Variants in MEMO1 observed in about 807,000 individuals in gnomAD.
The protein encoded by MEMO1 is protein MEMO1.
MEMO1 carries 6 observed loss-of-function variants against 45.2 expected under a neutral mutation model. The observed-to-expected ratio is 0.13, with a 90% confidence interval of 0.07 to 0.26. MEMO1 has a LOEUF of 0.26. Among genes scored for constraint, MEMO1 ranks in the 10% least tolerant of loss-of-function variants. MEMO1 has a pLI of 1.00. For synonymous variants in MEMO1, 78 were observed against 124.3 expected (o/e 0.63, Z 2.48); for missense variants, 184 against 370.5 (o/e 0.50, Z 4.13).
chr2:31,933,884 T>C (rs994968620), intron 3 of MEMO1, among the ~76,000 whole-genome samples: 2 of 152,170 alleles, frequency 1.3e-5, no homozygotes, highest in African/African-American at 4.8e-5. Flanking sequence ...TCAGTTTTGA[T>C]GTTATCCTGT....
At chr2:31,886,750 G>A (rs1676250680) in intron 7 of MEMO1, among the ~76,000 whole-genome samples, 1 of 152,130 alleles carries the variant, frequency 6.6e-6, no homozygotes. Context: ...TTTTAAGTAT[G>A]AATAAAGCGT....
chr2:31,956,628 G>C (rs1667444307), intron 2 of MEMO1, among the ~76,000 whole-genome samples: 1 of 152,150 alleles, frequency 6.6e-6, no homozygotes, highest in Non-Finnish European at 1.5e-5. Flanking sequence ...AAATAAACTA[G>C]TTAAATAAAT....
chr2:31,938,663 A>G (rs1665225550), intron 3 of MEMO1, among the ~76,000 whole-genome samples: 1 of 152,158 alleles, frequency 6.6e-6, no homozygotes, highest in Non-Finnish European at 1.5e-5. Flanking sequence ...AAAAAAATAA[A>G]AAATAAAAAC....
At chr2:31,967,781 T>G (rs1268086839) in intron 2 of MEMO1, among the ~76,000 whole-genome samples, 1 of 152,208 alleles carries the variant, frequency 6.6e-6, no homozygotes, top group Non-Finnish European at 1.5e-5. Flanking sequence ...ACTTAATAGA[T>G]TTTTGAAAAT....
chr2:31,872,042 C>CACACACACAT (rs1284574145), intron 8 of MEMO1, among the ~76,000 whole-genome samples: 1 of 151,556 alleles, frequency 6.6e-6, no homozygotes, highest in Non-Finnish European at 1.5e-5. Context: ...CACACACACA[C>CACACACACAT]ACAAAGTTAA....
intron 8 of MEMO1, among the ~76,000 whole-genome samples, chr2:31,873,939 A>G (rs977017517): frequency 6.6e-6 from 1 of 152,136 alleles, no homozygotes; most frequent in African/African-American, 2.4e-5. Context: ...ATGTTATAAA[A>G]CTTACTAAAA....
At chr2:31,985,076 G>A (rs918895112) in intron 2 of MEMO1, among the ~76,000 whole-genome samples, 9 of 152,132 alleles carry the variant, frequency 5.9e-5, no homozygotes, top group Non-Finnish European at 1.2e-4. Context: ...AACATGAATA[G>A]TACAGAAATC....
Position 31,868,403 on chromosome 2 carries a change from G to T in MEMO1, c.852C>A (p.Asp284Glu). 1.3e-6 allele frequency: 2 copies of T among 1,593,692 alleles called. No homozygotes were observed. The highest frequency in any genetic ancestry group is 1.1e-5 in the South Asian group (1 of 87,226). The change falls in exon 10 of 10, where the codon GAC becomes GAA. Residue 284 changes from aspartate (D) to glutamate (E), a missense_variant. Physicochemically the swap from Asp to Glu is conservative, Grantham distance 45. This residue lies in a region of MEMO1 where 97 missense variants were observed against 209.3 expected (regional missense o/e 0.46). Transcript: ENST00000404530. Reference sequence around the variant, plus strand: ...CTCCAGCTGCATAACTCACTGAACTGTCTTGCCAGTTTCTACACTGGCTCG... The same window carrying T: ...CTCCAGCTGCATAACTCACTGAACTTTCTTGCCAGTTTCTACACTGGCTCG... Reference protein sequence around the residue: ...AQSSQCRNWQDSSVSYAAGAL... With the variant: ...AQSSQCRNWQESSVSYAAGAL...
intron 6 of MEMO1, among the ~76,000 whole-genome samples, chr2:31,895,108 G>A (rs1677555975): frequency 6.6e-6 from 1 of 152,154 alleles, no homozygotes; most frequent in South Asian, 2.1e-4. Context: ...TGAAGTTCAT[G>A]AAAGTTCCTA....
intron 2 of MEMO1, among the ~76,000 whole-genome samples, chr2:31,976,665 A>G (rs1309530682): frequency 6.6e-6 from 1 of 152,146 alleles, no homozygotes; most frequent in East Asian, 1.9e-4. Flanking sequence ...TTCATTTCTA[A>G]AAATTCACAT....
Position 32,001,283 on chromosome 2 carries a change from C to T in MEMO1, c.61+8904G>A, listed in dbSNP as rs1673285420. ...CTCGATCTCCTGACCTCGTGATCCG[C>T]CCGCCTCGGCCTCCCAAAGTGCTGG... On this transcript the variant is annotated intron_variant, in intron 2 of 9. Transcript: ENST00000404530. 2.0e-5 allele frequency among the ~76,000 whole-genome samples: 3 copies of T among 151,854 alleles called. No individual in the cohort carries two copies. The South Asian group carries it at 6.2e-4, about 31-fold the overall frequency.
At chr2:31,895,505 G>A (rs1223970056) in intron 6 of MEMO1, among the ~76,000 whole-genome samples, 3 of 152,200 alleles carry the variant, frequency 2.0e-5, no homozygotes, top group Admixed American at 1.3e-4. Context: ...GAGTTCACCA[G>A]ATGGTCTGAA....
At chr2:31,935,976 A>C (rs1442602204) in intron 3 of MEMO1, among the ~76,000 whole-genome samples, 4 of 151,516 alleles carry the variant, frequency 2.6e-5, no homozygotes, top group Non-Finnish European at 5.9e-5. Flanking sequence ...TTATTTATTT[A>C]TTTTTGAGAC....
intron 3 of MEMO1, among the ~76,000 whole-genome samples, chr2:31,942,764 C>G (rs1665760620): frequency 6.6e-6 from 1 of 152,090 alleles, no homozygotes; most frequent in Non-Finnish European, 1.5e-5. Context: ...TCAAGCAATC[C>G]TCCCACGTTG....
chr2:31,915,892 A>G (rs181109834), intron 6 of MEMO1, among the ~76,000 whole-genome samples: 1 of 152,306 alleles, frequency 6.6e-6, no homozygotes, highest in Non-Finnish European at 1.5e-5. Context: ...ACTTAGTAAA[A>G]GATAACTAAT....
At position 31,963,086 on chromosome 2, in the gene MEMO1, T is replaced by C. The variant is rs993736892; in HGVS notation, c.62-19703A>G. On this transcript the variant is annotated intron_variant, in intron 2 of 9. Transcript: ENST00000404530. ...CTGAAATACTGGCTCTTCCTAAGTC[T>C]TGAGTCAACCAACCCATCCTCAGTC... 5.0e-6 allele frequency: 7 copies of C among 1,391,738 alleles called. No homozygotes were observed. In the East Asian group the frequency reaches 1.3e-4, roughly 26 times the overall value. 86.2% of individuals were successfully genotyped at this position (1,391,738 alleles called of 1,614,324 possible).
At chr2:31,991,321 C>A (rs1186891856) in intron 2 of MEMO1, among the ~76,000 whole-genome samples, 5 of 152,036 alleles carry the variant, frequency 3.3e-5, no homozygotes, top group African/African-American at 1.2e-4. Flanking sequence ...CCCTGTAATC[C>A]CAGCACTTTG....
chr2:31,928,610 T>G (rs1034297801), intron 4 of MEMO1, among the ~76,000 whole-genome samples: 7 of 151,678 alleles, frequency 4.6e-5, no homozygotes, highest in African/African-American at 1.7e-4. Context: ...AGTCCTATTA[T>G]AAATCAAAGA....
chr2:31,996,862 C>T (rs760940846), intron 2 of MEMO1, among the ~76,000 whole-genome samples: 2 of 152,064 alleles, frequency 1.3e-5, no homozygotes, highest in Non-Finnish European at 2.9e-5. Flanking sequence ...TCCCGAATTG[C>T]TAGGATTACA....
Sources: gnomAD v4.1 joint callset for allele counts (sites outside exome capture counted in the v4.1 genomes callset) on GRCh38, gnomAD v4.1.1 for gene constraint, gnomAD v4.1.1 regional missense constraint, MANE v1.5 for transcripts, NCBI Gene and HGNC (gene_info 2026-07-23, HGNC 2026-07-21) for gene names.